Variants in STAG1 observed in about 807,000 individuals in gnomAD.
The protein encoded by STAG1 is STAG1 cohesin complex component.
Under a neutral mutation model 170.9 loss-of-function variants are expected in STAG1, and 26 were observed. The ratio of observed to expected loss-of-function variants is 0.15; its 90% CI spans 0.11 to 0.21. STAG1 has a LOEUF of 0.21. Ranked by LOEUF, STAG1 falls within the 10% of genes least tolerant of loss-of-function variation. The probability of loss-of-function intolerance (pLI) is 1.00; values close to 1 mark genes in which losing one functional copy is unlikely to be tolerated. For missense variants in STAG1, 964 were observed against 1,509.5 expected (o/e 0.64, Z 5.99); for synonymous variants, 514 against 497.7 (o/e 1.03, Z -0.44).
chr3:136,542,296 A>G (rs574995025), intron 5 of STAG1, 101 bp from the exon 6 acceptor site: 1 of 816,222 alleles, frequency 1.2e-6, no homozygotes, highest in East Asian at 2.5e-5. Flanking sequence ...TCCCAAAAGA[A>G]TAACCTTCCA....
chr3:136,674,632 C>T (rs987277511), intron 1 of STAG1, among the ~76,000 whole-genome samples: 8 of 152,180 alleles, frequency 5.3e-5, no homozygotes, highest in African/African-American at 1.9e-4. Context: ...ACAATGGACA[C>T]ATTATCAGTA....
intron 1 of STAG1, among the ~76,000 whole-genome samples, chr3:136,748,997 G>T (rs183094182): frequency 6.6e-6 from 1 of 152,086 alleles, no homozygotes; most frequent in African/African-American, 2.4e-5. Flanking sequence ...TTGTATGTCC[G>T]GAATCTGAAG....
At chr3:136,714,993 TTATATATATAATATATATATAAAA>T (rs1943496660) in intron 1 of STAG1, among the ~76,000 whole-genome samples, 2 of 110,790 alleles carry the variant, frequency 1.8e-5, no homozygotes, top group Admixed American at 1.0e-4. Flanking sequence ...TATATATATT[TTATATATATAATATATATATAAAA>T]TATATATATA....
chr3:136,590,144 CAT>C (rs1028959249), intron 4 of STAG1, among the ~76,000 whole-genome samples: 1 of 150,620 alleles, frequency 6.6e-6, no homozygotes, highest in Non-Finnish European at 1.5e-5. Context: ...AATAAAAATA[CAT>C]GTATCTCTGA....
At position 136,359,127 on chromosome 3, in the gene STAG1, CA is replaced by C; in HGVS notation, c.2936+20del. On this transcript the variant is annotated intron_variant, in intron 27 of 33. Transcript: ENST00000383202. Reference sequence around the variant, plus strand: ...TTCAAGTAAATCAGATTCTGCATAACAAAGTGTTTATCTCACTCACTTGTGA... The same window carrying C: ...TTCAAGTAAATCAGATTCTGCATAACAAGTGTTTATCTCACTCACTTGTGA... 6.4e-7 allele frequency: 1 copy of C among 1,574,066 alleles called. No individual in the cohort carries two copies. The highest frequency in any genetic ancestry group is 8.7e-7 in the Non-Finnish European group (1 of 1,155,648).
At chr3:136,569,566 T>C (rs926743374) in intron 4 of STAG1, among the ~76,000 whole-genome samples, 1 of 151,936 alleles carries the variant, frequency 6.6e-6, no homozygotes, top group Admixed American at 6.6e-5. Flanking sequence ...CAACCCAGGG[T>C]TGAAGTCTTT....
chr3:136,526,140 C>T, intron 6 of STAG1, among the ~76,000 whole-genome samples: 1 of 152,290 alleles, frequency 6.6e-6, no homozygotes, highest in South Asian at 2.1e-4. Flanking sequence ...AGTTCAATTC[C>T]TGGATATCCT....
At chr3:136,611,076 GA>G (rs1186165686) in intron 3 of STAG1, among the ~76,000 whole-genome samples, 1 of 152,096 alleles carries the variant, frequency 6.6e-6, no homozygotes, top group Non-Finnish European at 1.5e-5. Context: ...CTTGGGGATG[GA>G]ACTCAAGTCT....
chr3:136,349,515 G>A, intron 28 of STAG1, 152 bp from the exon 29 acceptor site: 1 of 639,732 alleles, frequency 1.6e-6, no homozygotes, highest in Non-Finnish European at 2.7e-6. Flanking sequence ...TGGAAAGAGA[G>A]GGACTGAGGA....
intron 21 of STAG1, among the ~76,000 whole-genome samples, chr3:136,408,364 T>G (rs1019832102): frequency 6.6e-6 from 1 of 152,176 alleles, no homozygotes; most frequent in Non-Finnish European, 1.5e-5. Context: ...TGGATACACA[T>G]AGTTAAGAGT....
chr3:136,661,860 C>T (rs1048872333), intron 1 of STAG1, among the ~76,000 whole-genome samples: 1 of 152,192 alleles, frequency 6.6e-6, no homozygotes, highest in East Asian at 1.9e-4. Flanking sequence ...TTATCATCCC[C>T]ATTTTACACA....
rs755485671 is a variant in STAG1 at position 136,521,199 on chromosome 3, T to C, written c.676+14A>G. On this transcript the variant is annotated intron_variant, in intron 7 of 33. Coordinates refer to ENST00000383202, the MANE Select transcript of STAG1 (RefSeq NM_005862.3). ...AAAACTAAATGAAAAGGAAATAAAA[T>C]GTTAATTACTTACCAGCCAGGGTAC... 1.2e-5 allele frequency: 20 copies of C among 1,602,964 alleles called. No individual in the cohort carries two copies. In the African/African-American group the frequency reaches 1.7e-4, roughly 14 times the overall value.
At chr3:136,495,540 G>T (rs1322314616) in intron 9 of STAG1, among the ~76,000 whole-genome samples, 1 of 152,128 alleles carries the variant, frequency 6.6e-6, no homozygotes, top group Non-Finnish European at 1.5e-5. Flanking sequence ...TATCAGCCAG[G>T]TGTGGTGGCA....
At chr3:136,592,738 T>A (rs149739508) in intron 4 of STAG1, among the ~76,000 whole-genome samples, 4 of 152,246 alleles carry the variant, frequency 2.6e-5, no homozygotes, top group Admixed American at 2.6e-4. Flanking sequence ...CTTATCCACA[T>A]AGAGATTACC....
intron 15 of STAG1, among the ~76,000 whole-genome samples, chr3:136,437,561 G>C (rs1260336658): frequency 6.6e-6 from 1 of 152,228 alleles, no homozygotes; most frequent in Non-Finnish European, 1.5e-5. Flanking sequence ...TTATCACCTT[G>C]AACTCTGGCT....
chr3:136,666,162 AAGCCAAC>A (rs1259312255), intron 1 of STAG1, among the ~76,000 whole-genome samples: 4 of 147,732 alleles, frequency 2.7e-5, no homozygotes, highest in African/African-American at 9.8e-5. Context: ...TTCCTCCCCC[AAGCCAAC>A]AGCCAACAGG....
chr3:136,492,504 A>G (rs2090142316), intron 9 of STAG1, among the ~76,000 whole-genome samples: 1 of 152,248 alleles, frequency 6.6e-6, no homozygotes, highest in Non-Finnish European at 1.5e-5. Context: ...GACAGAATTT[A>G]TGCTCTCACT....
intron 1 of STAG1, among the ~76,000 whole-genome samples, chr3:136,691,760 A>T (rs960198671): frequency 3.3e-5 from 5 of 152,226 alleles, no homozygotes; most frequent in Non-Finnish European, 1.5e-5. Context: ...TCGCAGCTAG[A>T]TGTTTTAATA....
chr3:136,422,652 T>A (rs754637324), intron 18 of STAG1, 39 bp from the exon 19 acceptor site: 1 of 1,576,022 alleles, frequency 6.3e-7, no homozygotes, highest in African/African-American at 1.4e-5. Context: ...ATATTTAGGT[T>A]AACAATAAAA....
Sources: allele counts gnomAD v4.1 joint callset (sites outside exome capture counted in the v4.1 genomes callset), GRCh38; gene constraint gnomAD v4.1.1; transcripts MANE v1.5; gene names NCBI Gene and HGNC (gene_info 2026-07-23, HGNC 2026-07-21).